The following CDH13 variants were observed in gnomAD, a reference collection of about 807,000 sequenced individuals.
The protein encoded by CDH13 is cadherin 13.
Under a neutral mutation model 63.8 loss-of-function variants are expected in CDH13, and 24 were observed. The ratio of observed to expected loss-of-function variants is 0.38; its 90% CI spans 0.27 to 0.53. The LOEUF is 0.53. Ranked by LOEUF, CDH13 falls within the 20% of genes least tolerant of loss-of-function variation. The pLI, the probability that CDH13 is intolerant of heterozygous loss-of-function variation, is 0.85. For missense variants in CDH13, 1,049 were observed against 903.1 expected, an observed-to-expected ratio of 1.16 and a Z score of -2.07; for synonymous variants, 503 against 355.3, an observed-to-expected ratio of 1.42 and a Z score of -4.67.
chr16:83,559,553 A>T (rs942187795), intron 7 of CDH13, among the ~76,000 whole-genome samples: 1 of 147,054 alleles, frequency 6.8e-6, no homozygotes, highest in African/African-American at 2.6e-5. Context: ...CTTGGGCAAC[A>T]AGAGCGAAAC....
At chr16:83,635,349 T>G (rs1029331194) in intron 8 of CDH13, among the ~76,000 whole-genome samples, 3 of 125,286 alleles carry the variant, frequency 2.4e-5, no homozygotes, top group African/African-American at 9.2e-5. Flanking sequence ...TTTTTTTTTT[T>G]TTTTTTTTTT....
At chr16:82,795,850 C>A (rs746569783) in intron 1 of CDH13, among the ~76,000 whole-genome samples, 5 of 152,166 alleles carry the variant, frequency 3.3e-5, no homozygotes, top group Non-Finnish European at 7.3e-5. Flanking sequence ...TGCCCTCAAT[C>A]CCTGCATCTC....
At chr16:83,231,650 C>T (rs1490793769) in intron 5 of CDH13, among the ~76,000 whole-genome samples, 1 of 152,162 alleles carries the variant, frequency 6.6e-6, no homozygotes, top group Non-Finnish European at 1.5e-5. Context: ...TCTGTGGCCT[C>T]TTCCACCCTG....
intron 4 of CDH13, among the ~76,000 whole-genome samples, chr16:83,127,337 T>C (rs115863570): frequency 9.6e-4 from 146 of 152,200 alleles, no homozygotes; most frequent in African/African-American, 3.5e-3. Flanking sequence ...TTGTAGAGAA[T>C]GATTAGTGGT....
At chr16:83,548,526 T>C (rs776368599) in intron 7 of CDH13, among the ~76,000 whole-genome samples, 4 of 152,140 alleles carry the variant, frequency 2.6e-5, no homozygotes, top group Non-Finnish European at 4.4e-5. Flanking sequence ...TCAGAGGTGA[T>C]CTTTGGGTCT....
At chr16:82,742,485 T>A (rs1274867218) in intron 1 of CDH13, among the ~76,000 whole-genome samples, 1 of 152,186 alleles carries the variant, frequency 6.6e-6, no homozygotes, top group African/African-American at 2.4e-5. Context: ...TATAGCTCTT[T>A]ATGTGAGTTT....
chr16:83,238,086 G>C (rs1035948451), intron 5 of CDH13, among the ~76,000 whole-genome samples: 1 of 119,926 alleles, frequency 8.3e-6, no homozygotes, highest in Non-Finnish European at 1.7e-5. Context: ...TGTAGCATTA[G>C]ACTGGGACTG....
At chr16:83,045,634 T>TAAAAAAAAAAAAAAAAAAAAAAAAA (rs71382861) in intron 3 of CDH13, among the ~76,000 whole-genome samples, 1 of 107,952 alleles carries the variant, frequency 9.3e-6, no homozygotes, top group African/African-American at 3.7e-5. Context: ...AAGATTCCTT[T>TAAAAAAAAAAAAAAAAAAAAAAAAA]AAAAAAAAAA....
intron 8 of CDH13, among the ~76,000 whole-genome samples, chr16:83,649,649 C>T (rs950742559): frequency 6.6e-6 from 1 of 152,092 alleles, no homozygotes; most frequent in African/African-American, 2.4e-5. Context: ...AAGATAGCCT[C>T]CTGCAGCCAG....
At chr16:83,517,801 T>G (rs1039403351) in intron 7 of CDH13, among the ~76,000 whole-genome samples, 4 of 152,208 alleles carry the variant, frequency 2.6e-5, no homozygotes, top group Non-Finnish European at 5.9e-5. Context: ...TGGAGGCTCT[T>G]TTTTTAGCTT....
chr16:82,849,240 A>G (rs561409403), intron 1 of CDH13, among the ~76,000 whole-genome samples: 1 of 152,334 alleles, frequency 6.6e-6, no homozygotes, highest in African/African-American at 2.4e-5. Flanking sequence ...ACAGTGGCTC[A>G]CACCTGTGAT....
chr16:83,537,266 C>G (rs867901333), intron 7 of CDH13, among the ~76,000 whole-genome samples: 1 of 152,200 alleles, frequency 6.6e-6, no homozygotes, highest in African/African-American at 2.4e-5. Context: ...TTTTGCATGA[C>G]TTTCCTGAGC....
At chr16:83,144,902 A>C (rs1419961854) in intron 4 of CDH13, among the ~76,000 whole-genome samples, 1 of 152,172 alleles carries the variant, frequency 6.6e-6, no homozygotes, top group East Asian at 1.9e-4. Context: ...CCTGGGCTGC[A>C]GAGGGTAGGT....
rs531375957 is a variant in CDH13, at chr16:83,509,405, T to A, written c.960+22750T>A. Among the ~76,000 whole-genome samples, 3 of 152,362 alleles carry A rather than the reference T, an allele frequency of 2.0e-5. No homozygotes were observed. The East Asian group carries it at 5.8e-4, about 29-fold the overall frequency. On this transcript the variant is annotated intron_variant, in intron 7 of 13. Transcript: ENST00000567109. ...GGGCCAGATAGTAAGTATTTTAGGCTTTGTGGGCCATATGGTGGCTGCTGC... is the reference window on the plus strand; with the variant it reads ...GGGCCAGATAGTAAGTATTTTAGGCATTGTGGGCCATATGGTGGCTGCTGC...
intron 1 of CDH13, among the ~76,000 whole-genome samples, chr16:82,708,371 A>T (rs1458819281): frequency 1.3e-5 from 2 of 152,170 alleles, no homozygotes; most frequent in Non-Finnish European, 2.9e-5. Context: ...GGGATGCAAG[A>T]AACACTGAAC....
chr16:83,030,264 C>T (rs1380446420), intron 2 of CDH13, among the ~76,000 whole-genome samples: 1 of 152,180 alleles, frequency 6.6e-6, no homozygotes, highest in African/African-American at 2.4e-5. Context: ...CTCGTTGGAA[C>T]TGGGTCTCTT....
intron 2 of CDH13, among the ~76,000 whole-genome samples, chr16:82,903,674 G>GT (rs1228836080): frequency 6.6e-6 from 1 of 152,090 alleles, no homozygotes; most frequent in Non-Finnish European, 1.5e-5. Context: ...ACCCTAACGG[G>GT]TTTTTTCCCT....
chr16:83,093,583 G>T (rs552449995), intron 3 of CDH13, among the ~76,000 whole-genome samples: 15 of 152,060 alleles, frequency 9.9e-5, no homozygotes, highest in Admixed American at 9.8e-4. Flanking sequence ...GCCTCCCAAA[G>T]TGCTGGGATT....
intron 5 of CDH13, among the ~76,000 whole-genome samples, chr16:83,308,224 A>G (rs1419423938): frequency 6.6e-6 from 1 of 152,228 alleles, no homozygotes; most frequent in Non-Finnish European, 1.5e-5. Flanking sequence ...CAAATTAAAG[A>G]CTAGCCTTCA....
Sources: gnomAD v4.1 joint callset for allele counts (sites outside exome capture counted in the v4.1 genomes callset) on GRCh38, gnomAD v4.1.1 for gene constraint, MANE v1.5 for transcripts, NCBI Gene and HGNC (gene_info 2026-07-23, HGNC 2026-07-21) for gene names.